NUP62: variants seen among roughly 807,000 people sequenced by gnomAD.
The protein encoded by NUP62 is nucleoporin 62.
For missense variants in NUP62, 647 were observed against 689.4 expected (o/e 0.94, Z 0.69); for synonymous variants, 305 against 303.4 (o/e 1.01, Z -0.05).
chr19:49,913,761 C>T (rs2075545079), intron 2 of NUP62, among the ~76,000 whole-genome samples: 1 of 152,192 alleles, frequency 6.6e-6, no homozygotes, highest in Non-Finnish European at 1.5e-5. Flanking sequence ...CTTAGCTCAT[C>T]ACTGAGCCGC....
At chr19:49,917,674 G>A (rs1600533613) in intron 2 of NUP62, 1 of 152,440 alleles carries the variant, frequency 6.6e-6, no homozygotes, top group Non-Finnish European at 1.5e-5. Flanking sequence ...CGGTGGCCTG[G>A]GCTTTCCTGT....
In NUP62 at chr19:49,921,643, G is replaced by A. The variant is rs1330015266; in HGVS notation, c.-78+6051C>T. On this transcript the variant is annotated intron_variant, in intron 2 of 2. Coordinates refer to ENST00000352066, the MANE Select transcript of NUP62 (RefSeq NM_016553.5). The surrounding 1 kb of genome is among the most constrained non-coding windows in gnomAD (Gnocchi z 5.4). ...GCTAAGGCCTGGCGCTCTGATGGCC[G>A]CTGACCTCAAAACTCTCCATGGGGG... Among the ~76,000 whole-genome samples the A allele has an allele frequency of 6.6e-6, 1 of 152,190 alleles. No individual in the cohort carries two copies. The highest frequency in any genetic ancestry group is 2.1e-4 in the South Asian group (1 of 4,836).
chr19:49,909,477 G>C lies in NUP62; in HGVS notation c.331C>G (p.Pro111Ala), dbSNP rs909405573. The change falls in exon 3 of 3, where the codon CCC becomes GCC. Residue 111 changes from proline to alanine, a missense_variant. Coordinates refer to ENST00000352066, the MANE Select transcript of NUP62 (RefSeq NM_016553.5). ...CTGCTGCCCAGCCCAAAGCCGCTGG[G>C]GTTTGCCATGGCTGGGGTGGCAGCT... ...NTAATPAMANPSGFGLGSSNL... is the reference protein window; with the variant it reads ...NTAATPAMANASGFGLGSSNL... 4.3e-6 allele frequency: 7 copies of C among 1,614,170 alleles called. No homozygotes were observed. Among genetic ancestry groups the C allele is most frequent in the Non-Finnish European group, 5.9e-6 (7 of 1,180,030 alleles).
At chr19:49,923,419 AC>A (rs1300488768) in intron 2 of NUP62, among the ~76,000 whole-genome samples, 3 of 152,176 alleles carry the variant, frequency 2.0e-5, no homozygotes, top group African/African-American at 7.2e-5. Flanking sequence ...GTTGTGGGGA[AC>A]GTTTCTGGGA....
At chr19:49,915,349 T>A (rs995561713) in intron 2 of NUP62, among the ~76,000 whole-genome samples, 7 of 152,050 alleles carry the variant, frequency 4.6e-5, no homozygotes, top group Admixed American at 4.6e-4. Context: ...GAGATGTGCC[T>A]ATGGAAGAAT....
rs1267202471 is a variant in NUP62 at position 49,921,046 on chromosome 19, G to A, written c.-78+6648C>T. 6.6e-6 allele frequency among the ~76,000 whole-genome samples: 1 copy of A among 152,114 alleles called. No individual in the cohort carries two copies. The highest frequency in any genetic ancestry group is 1.5e-5 in the Non-Finnish European group (1 of 68,022). On this transcript the variant is annotated intron_variant, in intron 2 of 2. Coordinates refer to ENST00000352066, the MANE Select transcript of NUP62 (RefSeq NM_016553.5). This position sits in a 1 kb window ranked among gnomAD's most constrained non-coding sequence, Gnocchi z 5.4. Reference sequence around the variant, plus strand: ...CAGGGTGGCTTTCATTATGAGAACTGGAAGCAAACACAGCCCCTTCCTGCC... The same window carrying A: ...CAGGGTGGCTTTCATTATGAGAACTAGAAGCAAACACAGCCCCTTCCTGCC...
intron 2 of NUP62, among the ~76,000 whole-genome samples, chr19:49,925,330 G>T (rs2075860753): frequency 3.3e-5 from 5 of 151,834 alleles, no homozygotes; most frequent in Admixed American, 2.6e-4. Context: ...GCTCAGGCTT[G>T]TAATCCTAAC....
chr19:49,912,499 G>A (rs780703992), intron 2 of NUP62, among the ~76,000 whole-genome samples: 3 of 152,012 alleles, frequency 2.0e-5, no homozygotes, highest in Non-Finnish European at 2.9e-5. Context: ...GTGCCACATT[G>A]GTTTCCAATA....
At position 49,914,726 on chromosome 19, in the gene NUP62, GTTTTTTTTTTTTT is replaced by G. The variant is rs530372497; in HGVS notation, c.-77-4855_-77-4843del. On this transcript the variant is annotated intron_variant, in intron 2 of 2. Transcript: ENST00000352066. ...GATTCTTGTGCCACTCCAAGTCCCA[GTTTTTTTTTTTTT>G]TTTTTTTTTTTTTTTTTTGAGATGG... 2.0e-3 allele frequency among the ~76,000 whole-genome samples: 110 copies of G among 56,410 alleles called. 1 individual carries two copies. Among genetic ancestry groups the G allele is most frequent in the South Asian group, 0.013 (15 of 1,182 alleles). 37.0% of individuals were successfully genotyped at this position (56,410 alleles called of 152,430 possible).
rs1265050568 is a variant in NUP62 at position 49,907,631 on chromosome 19, C to T, written c.*608G>A. 3 of 384,910 alleles carry T rather than the reference C, an allele frequency of 7.8e-6. No individual in the cohort carries two copies. Among genetic ancestry groups the T allele is most frequent in the East Asian group, 7.8e-5 (1 of 12,780 alleles). 23.8% of individuals were successfully genotyped at this position (384,910 alleles called of 1,614,324 possible). On this transcript the variant is annotated 3_prime_UTR_variant, in exon 3 of 3. Transcript: ENST00000352066. ...GGTTCACTGCAACACCTCCTGGGTT[C>T]AAGTGATTCTCCTGCCTCAGCCTCC...
Position 49,908,581 on chromosome 19 carries a change from T to C in NUP62, c.1227A>G (p.Pro409=), listed in dbSNP as rs1444085605. ...QQKELEDLLS[P]LEELVKEQSG... ...TCTGCTCCTTGACCAACTCCTCCAG[T>C]GGGCTCAGCAGGTCTTCCAGCTCCT... The change falls in exon 3 of 3, where the codon CCA becomes CCG. Residue 409 remains proline (P), a synonymous_variant. Coordinates refer to ENST00000352066, the MANE Select transcript of NUP62 (RefSeq NM_016553.5). 3.1e-6 allele frequency: 5 copies of C among 1,614,040 alleles called. No individual in the cohort carries two copies. The highest frequency in any genetic ancestry group is 4.5e-5 in the East Asian group (2 of 44,902).
At chr19:49,918,675 C>CG (rs1204662724) in intron 2 of NUP62, 1 of 152,206 alleles carries the variant, frequency 6.6e-6, no homozygotes, top group Non-Finnish European at 1.5e-5. Flanking sequence ...GTCAGCTCCT[C>CG]GGGGGAGAAG....
intron 2 of NUP62, among the ~76,000 whole-genome samples, chr19:49,914,686 CT>C (rs2075573045): frequency 6.7e-6 from 1 of 149,426 alleles, no homozygotes; most frequent in Non-Finnish European, 1.5e-5. Flanking sequence ...GCTCTACTAC[CT>C]TACCTCCATC....
At chr19:49,915,157 TG>T (rs1189134926) in intron 2 of NUP62, among the ~76,000 whole-genome samples, 4 of 151,972 alleles carry the variant, frequency 2.6e-5, no homozygotes, top group Non-Finnish European at 4.4e-5. Flanking sequence ...GCTATGTGTG[TG>T]GGGGGGTAGA....
chr19:49,921,944 T>C lies in NUP62; in HGVS notation c.-78+5750A>G, dbSNP rs368732147. On this transcript the variant is annotated intron_variant, in intron 2 of 2. Coordinates refer to ENST00000352066, the MANE Select transcript of NUP62 (RefSeq NM_016553.5). The surrounding 1 kb of genome is among the most constrained non-coding windows in gnomAD (Gnocchi z 5.4). ...ATCTTGGCAGGATGAGTGCATTTGC[T>C]GCGAGAAAGCAGCCCCGACGGCAGG... Among the ~76,000 whole-genome samples the C allele has an allele frequency of 6.6e-6, 1 of 152,158 alleles. No individual in the cohort carries two copies. Among genetic ancestry groups the C allele is most frequent in the Non-Finnish European group, 1.5e-5 (1 of 68,030 alleles).
intron 2 of NUP62, among the ~76,000 whole-genome samples, chr19:49,913,571 G>C (rs1166798589): frequency 2.0e-5 from 3 of 152,250 alleles, no homozygotes; most frequent in Non-Finnish European, 4.4e-5. Context: ...CGCTGTTGCA[G>C]GGAGAACTGA....
intron 2 of NUP62, among the ~76,000 whole-genome samples, chr19:49,924,236 T>C (rs1429288005): frequency 6.6e-6 from 1 of 152,040 alleles, no homozygotes; most frequent in African/African-American, 2.4e-5. Flanking sequence ...CCCTTACCTC[T>C]CGGGACCTCA....
Position 49,908,237 on chromosome 19 carries a change from G to T in NUP62, c.*2C>A, listed in dbSNP as rs372281472. 3 of 1,612,536 alleles carry T rather than the reference G, an allele frequency of 1.9e-6. No individual in the cohort carries two copies. The highest frequency in any genetic ancestry group is 2.5e-6 in the Non-Finnish European group (3 of 1,180,014). On this transcript the variant is annotated 3_prime_UTR_variant, in exon 3 of 3. Transcript: ENST00000352066. ...ACCTGCGGGCCCCAGGGCTGCTGTCGCTCAGTCAAAGGTGATCCGGAAGCT... is the reference window on the plus strand; with the variant it reads ...ACCTGCGGGCCCCAGGGCTGCTGTCTCTCAGTCAAAGGTGATCCGGAAGCT...
intron 2 of NUP62, among the ~76,000 whole-genome samples, chr19:49,914,552 C>T (rs962049540): frequency 6.6e-6 from 1 of 152,064 alleles, no homozygotes; most frequent in African/African-American, 2.4e-5. Context: ...GCCTTCACAG[C>T]CCTGGGAACC....
Sources: allele counts gnomAD v4.1 joint callset (sites outside exome capture counted in the v4.1 genomes callset), GRCh38; gene constraint gnomAD v4.1.1; non-coding constraint Gnocchi (gnomAD v3.1); transcripts MANE v1.5; gene names NCBI Gene and HGNC (gene_info 2026-07-23, HGNC 2026-07-21).